SIM1: variants seen among roughly 807,000 people sequenced by gnomAD.
SIM1 encodes SIM bHLH transcription factor 1.
In SIM1, 18 loss-of-function variants were observed where a neutral mutation model predicts 78.2. The ratio of observed to expected loss-of-function variants is 0.23; its 90% confidence interval spans 0.16 to 0.34. The LOEUF (loss-of-function observed/expected upper bound fraction) is 0.34. Among genes scored for constraint, SIM1 ranks in the 10% least tolerant of loss-of-function variants. The pLI is 1.00. For missense variants in SIM1, 939 were observed against 975.1 expected (o/e 0.96, Z 0.49); for synonymous variants, 417 against 385.2 (o/e 1.08, Z -0.97).
intron 9 of SIM1, among the ~76,000 whole-genome samples, chr6:100,423,730 A>AG (rs574870158): frequency 9.8e-4 from 150 of 152,358 alleles, no homozygotes; most frequent in African/African-American, 3.5e-3. Context: ...TTTCTGCATG[A>AG]GAAAAAACTC....
At chr6:100,394,036 G>T in intron 10 of SIM1, 147 bp from the exon 11 acceptor site, 3 of 713,910 alleles carry the variant, frequency 4.2e-6, no homozygotes, top group Non-Finnish European at 6.5e-6. Context: ...CGTTGCTTTG[G>T]CATCATGGCT....
At chr6:100,433,740 C>A (rs9386146) in intron 9 of SIM1, among the ~76,000 whole-genome samples, 10 of 124,280 alleles carry the variant, frequency 8.0e-5, no homozygotes, top group Non-Finnish European at 1.2e-4. Context: ...ACCCCCCCAC[C>A]CACACACACA....
At chr6:100,399,009 C>G (rs1281664549) in intron 10 of SIM1, among the ~76,000 whole-genome samples, 1 of 151,704 alleles carries the variant, frequency 6.6e-6, no homozygotes, top group Non-Finnish European at 1.5e-5. Context: ...TGAGAGGTGT[C>G]TCATTGCAGT....
At chr6:100,410,110 T>G (rs1219245091) in intron 10 of SIM1, among the ~76,000 whole-genome samples, 1 of 152,182 alleles carries the variant, frequency 6.6e-6, no homozygotes, top group Admixed American at 6.6e-5. Context: ...AATCTATATT[T>G]CTCAGCTAAA....
At chr6:100,446,600 G>A (rs1289549794) in intron 9 of SIM1, among the ~76,000 whole-genome samples, 1 of 152,222 alleles carries the variant, frequency 6.6e-6, no homozygotes, top group East Asian at 1.9e-4. Flanking sequence ...AAAGAATAAG[G>A]CTCAAATGCA....
chr6:100,454,519 C>A (rs1314988985), intron 2 of SIM1, among the ~76,000 whole-genome samples: 2 of 152,300 alleles, frequency 1.3e-5, no homozygotes, highest in Non-Finnish European at 2.9e-5. Flanking sequence ...TACCCACCCC[C>A]CTACCACCAA....
chr6:100,399,182 C>A (rs1407850011), intron 10 of SIM1, among the ~76,000 whole-genome samples: 4 of 151,742 alleles, frequency 2.6e-5, no homozygotes, highest in African/African-American at 9.7e-5. Flanking sequence ...TTTTTAATAA[C>A]CAAAAACTGG....
At chr6:100,423,388 G>T (rs1440925877) in intron 9 of SIM1, among the ~76,000 whole-genome samples, 1 of 152,140 alleles carries the variant, frequency 6.6e-6, no homozygotes, top group African/African-American at 2.4e-5. Flanking sequence ...TCTGTATGGG[G>T]CCCTGTTCTG....
At position 100,432,483 on chromosome 6, in the gene SIM1, G is replaced by A. The variant is rs540681692; in HGVS notation, c.999-11525C>T. Among the ~76,000 whole-genome samples the A allele has an allele frequency of 2.6e-5, 4 of 152,140 alleles. No homozygotes were observed. The South Asian group carries it at 6.3e-4, about 24-fold the overall frequency. On this transcript the variant is annotated intron_variant, in intron 9 of 11. Coordinates refer to ENST00000369208, the MANE Select transcript of SIM1 (RefSeq NM_005068.3). ...TCAGATGAAAGGGGACCACAGAGAA[G>A]ATAAGAAACCACTGAAAAGGGAGGG... is the stretch of plus-strand genomic sequence containing the variant.
At chr6:100,445,732 T>G (rs1462888984) in intron 9 of SIM1, among the ~76,000 whole-genome samples, 4 of 149,942 alleles carry the variant, frequency 2.7e-5, no homozygotes, top group Non-Finnish European at 1.5e-5. Context: ...GAGAACAGAG[T>G]GTATGTGTAA....
intron 9 of SIM1, among the ~76,000 whole-genome samples, chr6:100,443,094 T>C (rs1210416686): frequency 6.6e-6 from 1 of 152,032 alleles, no homozygotes; most frequent in Non-Finnish European, 1.5e-5. Context: ...AAGGAAGTAC[T>C]GTATGTCACC....
intron 10 of SIM1, among the ~76,000 whole-genome samples, chr6:100,407,897 T>C (rs1181550576): frequency 6.6e-6 from 1 of 152,164 alleles, no homozygotes; most frequent in Admixed American, 6.5e-5. Context: ...CTTCATCAGA[T>C]ATATGATTTG....
chr6:100,449,720 C>CCGT (rs762851970), intron 4 of SIM1, 21 bp from the exon 5 acceptor site: 2 of 1,601,872 alleles, frequency 1.2e-6, no homozygotes, highest in Non-Finnish European at 1.7e-6. Flanking sequence ...GAGGATGTCG[C>CCGT]CGTCGCCGTG....
At chr6:100,402,458 G>A (rs1241861100) in intron 10 of SIM1, among the ~76,000 whole-genome samples, 2 of 150,254 alleles carry the variant, frequency 1.3e-5, no homozygotes, top group African/African-American at 2.4e-5. Flanking sequence ...CTACAGATGT[G>A]TTTTAAGAGT....
rs201605210 is a variant in SIM1, at chr6:100,420,796, G to A, written c.1161C>T (p.Tyr387=). The A allele has an allele frequency of 1.2e-4, 192 of 1,614,102 alleles. 1 individual carries two copies. Among genetic ancestry groups the A allele is most frequent in the Middle Eastern group, 6.6e-4 (4 of 6,054 alleles). The change falls in exon 10 of 12, where the codon TAC becomes TAT. Residue 387 remains tyrosine (Y), a synonymous_variant. Coordinates refer to ENST00000369208, the MANE Select transcript of SIM1 (RefSeq NM_005068.3). Reference sequence around the variant, plus strand: ...AAAACAGCAATGCACTTACCTGAGGGTATGGGGAAGTCCTGGATTTTGACT... The same window carrying A: ...AAAACAGCAATGCACTTACCTGAGGATATGGGGAAGTCCTGGATTTTGACT... ...SSKSKSRTSP[Y]PQYSGFHTER...
Position 100,390,389 on chromosome 6 carries a change from G to A in SIM1, c.2273C>T (p.Thr758Ile), listed in dbSNP as rs776932640. ...QPDPAQGHKG[T>I]SVIITNGS is the part of the protein sequence containing the mutation. ...GCTTCCGTTGGTTATTATAACAGAT[G>A]TTCCCTTGTGTCCTTGTGCTGGGTC... Residue 758 changes from threonine to isoleucine, a missense_variant, in exon 12 of 12, where the codon ACA (threonine) becomes ATA (isoleucine). By Grantham distance (89) the Thr-to-Ile change is moderately conservative (BLOSUM62 -1). Transcript: ENST00000369208. 1.9e-6 allele frequency: 3 copies of A among 1,613,834 alleles called. No individual in the cohort carries two copies. The highest frequency in any genetic ancestry group is 2.5e-6 in the Non-Finnish European group (3 of 1,179,896).
At chr6:100,437,661 T>C (rs1367555214) in intron 9 of SIM1, among the ~76,000 whole-genome samples, 8 of 152,350 alleles carry the variant, frequency 5.3e-5, no homozygotes, top group Non-Finnish European at 1.0e-4. Flanking sequence ...CAAGAGACTG[T>C]GCCTCCCTGG....
chr6:100,390,494 T>C lies in SIM1; in HGVS notation c.2168A>G (p.Asp723Gly), dbSNP rs775469399. ...GGAATAGTTTCTAATGGTTTCGCTG[T>C]CATATAAGTGCTCCAGGGCATATCC... ...LTGYALEHLY[D>G]SETIRNYSLG... is the part of the protein sequence containing the mutation. Residue 723 changes from aspartate to glycine, a missense_variant, in exon 12 of 12, where the codon GAC (aspartate) becomes GGC (glycine). By Grantham distance (94) the Asp-to-Gly change is moderately conservative. Around this residue, in one of 5 missense-constraint regions of SIM1, gnomAD observed 556 missense variants for 521.9 expected, o/e 1.07. Coordinates refer to ENST00000369208, the MANE Select transcript of SIM1 (RefSeq NM_005068.3). 40 of 1,614,036 alleles carry C rather than the reference T, an allele frequency of 2.5e-5. No homozygotes were observed. Among genetic ancestry groups the C allele is most frequent in the Non-Finnish European group, 3.4e-5 (40 of 1,180,042 alleles).
intron 8 of SIM1, 43 bp from the exon 9 acceptor site, chr6:100,447,458 C>T: frequency 2.5e-6 from 4 of 1,612,610 alleles, no homozygotes; most frequent in Admixed American, 1.7e-5. Context: ...ACCAGCCTGC[C>T]TGGGACTGGC....
Sources: gnomAD v4.1 joint callset for allele counts (sites outside exome capture counted in the v4.1 genomes callset) on GRCh38, gnomAD v4.1.1 for gene constraint, gnomAD v4.1.1 regional missense constraint, MANE v1.5 for transcripts, NCBI Gene and HGNC (gene_info 2026-07-23, HGNC 2026-07-21) for gene names.